The following CEP83 variants were observed in gnomAD, a reference collection of about 807,000 sequenced individuals.
CEP83 encodes centrosomal protein of 83 kDa.
CEP83 carries 70 observed loss-of-function variants against 101.9 expected under a neutral mutation model. The ratio of observed to expected loss-of-function variants is 0.69; its 90% CI spans 0.57 to 0.84. The LOEUF is 0.84. Ranked by LOEUF, CEP83 falls within the 40% of genes least tolerant of loss-of-function variation. The pLI, the probability that CEP83 is intolerant of heterozygous loss-of-function variation, is 0.00. For missense variants in CEP83, 715 were observed against 787.2 expected (o/e 0.91, Z 1.10); for synonymous variants, 264 against 267.9 (o/e 0.99, Z 0.14).
At chr12:94,293,949 C>G in the CEP83 span, among the ~76,000 whole-genome samples, 1 of 152,050 alleles carries the variant, frequency 6.6e-6, no homozygotes, top group Non-Finnish European at 1.5e-5. Flanking sequence ...GGGCACTATT[C>G]CCATCATGAG....
At chr12:94,448,448 A>G (rs2066969624) in intron 1 of CEP83, among the ~76,000 whole-genome samples, 2 of 152,294 alleles carry the variant, frequency 1.3e-5, no homozygotes, top group South Asian at 4.1e-4. Context: ...GACATAACTG[A>G]CAGAAAATAC....
chr12:94,325,867 T>C (rs2058953609), intron 14 of CEP83, among the ~76,000 whole-genome samples: 1 of 152,160 alleles, frequency 6.6e-6, no homozygotes, highest in Non-Finnish European at 1.5e-5. Flanking sequence ...AGAAGAAATA[T>C]ATTTGGTCTT....
At chr12:94,367,712 T>A (rs1312045010) in intron 11 of CEP83, 82 bp downstream of exon 11, 9 of 922,454 alleles carry the variant, frequency 9.8e-6, no homozygotes, top group Non-Finnish European at 1.4e-5. Flanking sequence ...ACATGGGAAT[T>A]CTTTGTACTA....
At chr12:94,417,411 A>G (rs954743176) in intron 2 of CEP83, among the ~76,000 whole-genome samples, 3 of 152,176 alleles carry the variant, frequency 2.0e-5, no homozygotes. Flanking sequence ...CTACCAGAAA[A>G]GTGTCAGAAA....
intron 4 of CEP83, among the ~76,000 whole-genome samples, chr12:94,409,897 T>G (rs1045463508): frequency 1.3e-5 from 2 of 152,186 alleles, no homozygotes; most frequent in African/African-American, 4.8e-5. Flanking sequence ...AGGCTCATCA[T>G]ACTCCAATAT....
downstream of CEP83, among the ~76,000 whole-genome samples, chr12:94,301,855 TCAA>T (rs1328273997): frequency 1.3e-5 from 2 of 152,202 alleles, no homozygotes; most frequent in Admixed American, 1.3e-4. Context: ...GGTAGAATCC[TCAA>T]CGTTATCTTT....
chr12:94,332,970 T>C (rs931832244), intron 13 of CEP83, among the ~76,000 whole-genome samples: 6 of 149,022 alleles, frequency 4.0e-5, no homozygotes, highest in Admixed American at 2.7e-4. Context: ...GGATATAAGA[T>C]CTTGAACATC....
chr12:94,337,100 T>A (rs936002572), intron 11 of CEP83, among the ~76,000 whole-genome samples: 1 of 152,180 alleles, frequency 6.6e-6, no homozygotes, highest in Admixed American at 6.5e-5. Flanking sequence ...CTGGATACAA[T>A]TGGTAAATTA....
chr12:94,275,813 C>T, the CEP83 span, among the ~76,000 whole-genome samples: 2 of 138,046 alleles, frequency 1.4e-5, no homozygotes, highest in East Asian at 4.2e-4. Flanking sequence ...CGAGATCCCG[C>T]CACTGCACTC....
intron 14 of CEP83, among the ~76,000 whole-genome samples, chr12:94,322,757 C>T (rs1312414068): frequency 1.3e-5 from 2 of 152,196 alleles, no homozygotes; most frequent in Non-Finnish European, 2.9e-5. Context: ...CCCTAACCAA[C>T]TCAGACTCCC....
At chr12:94,413,298 C>T (rs1460859780) in intron 2 of CEP83, among the ~76,000 whole-genome samples, 1 of 152,224 alleles carries the variant, frequency 6.6e-6, no homozygotes, top group Non-Finnish European at 1.5e-5. Context: ...ATCAAAATCA[C>T]ATCTTCAAGT....
chr12:94,445,359 T>C (rs546693080), intron 1 of CEP83, among the ~76,000 whole-genome samples: 1 of 151,986 alleles, frequency 6.6e-6, no homozygotes, highest in African/African-American at 2.4e-5. Context: ...GAGGCCTGAA[T>C]TAAAAACCTA....
intron 11 of CEP83, among the ~76,000 whole-genome samples, chr12:94,363,942 T>A (rs2060899568): frequency 4.3e-5 from 6 of 139,250 alleles, no homozygotes; most frequent in Admixed American, 3.7e-4. Flanking sequence ...AGTGAGACGC[T>A]GTCTCAAAAA....
the CEP83 span, chr12:94,297,093 ATACAGCACAAATGGG>A: frequency 2.5e-6 from 3 of 1,193,356 alleles, no homozygotes; most frequent in Admixed American, 5.2e-5. Context: ...TAACTTCAGT[ATACAGCACAAATGGG>A]GCCTTTTAAG....
chr12:94,400,099 A>C lies in CEP83; in HGVS notation c.549+751T>G, dbSNP rs1360202253. ...AATTCTAAATAAAGACAATGCAATA[A>C]ATTTAAAATGTAGATATGTTTGTAA... On this transcript the variant is annotated intron_variant, in intron 6 of 16. Transcript: ENST00000397809. Among the ~76,000 whole-genome samples the C allele has an allele frequency of 2.0e-5, 3 of 152,358 alleles. No individual in the cohort carries two copies. In the East Asian group the frequency reaches 5.8e-4, roughly 29 times the overall value.
chr12:94,452,307 C>T (rs1258515880), intron 1 of CEP83, among the ~76,000 whole-genome samples: 4 of 152,052 alleles, frequency 2.6e-5, no homozygotes, highest in Non-Finnish European at 5.9e-5. Context: ...TTAAATTGTA[C>T]ACTTACAATG....
chr12:94,294,440 T>C, the CEP83 span: 43 of 799,436 alleles, frequency 5.4e-5, no homozygotes, highest in Admixed American at 9.2e-4. Flanking sequence ...AGTTGAGAAA[T>C]CCATTAAATT....
chr12:94,331,092 G>C (rs1294279982), intron 14 of CEP83, among the ~76,000 whole-genome samples: 1 of 151,872 alleles, frequency 6.6e-6, no homozygotes, highest in Non-Finnish European at 1.5e-5. Context: ...AGGAGTTTGA[G>C]ACCAGTCTGG....
chr12:94,420,818 T>A (rs1210654726), intron 2 of CEP83, among the ~76,000 whole-genome samples: 1 of 152,120 alleles, frequency 6.6e-6, no homozygotes, highest in Non-Finnish European at 1.5e-5. Flanking sequence ...TATATAAAGT[T>A]TAAAAATTAA....
Sources: gnomAD v4.1 joint callset for allele counts (sites outside exome capture counted in the v4.1 genomes callset) on GRCh38, gnomAD v4.1.1 for gene constraint, MANE v1.5 for transcripts, NCBI Gene and HGNC (gene_info 2026-07-23, HGNC 2026-07-21) for gene names.